The following ACTR3 variants were observed in gnomAD, a reference collection of about 807,000 sequenced individuals.
The protein encoded by ACTR3 is actin-related protein 3.
ACTR3 carries 12 observed loss-of-function variants against 56.8 expected under a neutral mutation model. The ratio of observed to expected loss-of-function variants is 0.21; its 90% CI spans 0.14 to 0.34. ACTR3 has a LOEUF of 0.34. Among genes scored for constraint, ACTR3 ranks in the 10% least tolerant of loss-of-function variants. The pLI is 1.00. For missense variants in ACTR3, 282 were observed against 512.5 expected (o/e 0.55, Z 4.34); for synonymous variants, 162 against 167.4 (o/e 0.97, Z 0.25).
chr2:113,915,880 GT>G (rs1158955745), intron 2 of ACTR3, among the ~76,000 whole-genome samples: 1 of 152,156 alleles, frequency 6.6e-6, no homozygotes, highest in Admixed American at 6.5e-5. Flanking sequence ...CAGGTACAGT[GT>G]TTATAATTAG....
intron 3 of ACTR3, among the ~76,000 whole-genome samples, chr2:113,918,916 A>C (rs1440249572): frequency 6.6e-6 from 1 of 152,172 alleles, no homozygotes; most frequent in South Asian, 2.1e-4. Context: ...GGCAGTGGGG[A>C]TAGAAATGGA....
chr2:113,900,838 G>C (rs9308688), intron 1 of ACTR3, among the ~76,000 whole-genome samples: 26 of 152,102 alleles, frequency 1.7e-4, no homozygotes, highest in African/African-American at 5.6e-4. Context: ...CAGAGTAGGC[G>C]TCCAGGTTCT....
chr2:113,937,166 C>T (rs989283764), intron 6 of ACTR3, among the ~76,000 whole-genome samples: 16 of 152,116 alleles, frequency 1.1e-4, no homozygotes, highest in Middle Eastern at 3.2e-3. Flanking sequence ...TGCAGTGGTG[C>T]GATCTCAGCT....
At chr2:113,923,973 A>G (rs962959784) in intron 3 of ACTR3, among the ~76,000 whole-genome samples, 1 of 151,532 alleles carries the variant, frequency 6.6e-6, no homozygotes, top group Non-Finnish European at 1.5e-5. Context: ...GACAAAACAC[A>G]ATTTTTATGT....
At position 113,960,798 on chromosome 2, in the gene ACTR3, T is replaced by G. The variant is rs1680311919; in HGVS notation, c.*3343T>G. On this transcript the variant is annotated 3_prime_UTR_variant, in exon 12 of 12. Coordinates refer to ENST00000263238, the MANE Select transcript of ACTR3 (RefSeq NM_005721.5). Reference sequence around the variant, plus strand: ...TTACCACCCAGATTTCCAACTCGGGTTAATTGGTACTAATTCTATTAGCTG... The same window carrying G: ...TTACCACCCAGATTTCCAACTCGGGGTAATTGGTACTAATTCTATTAGCTG... The G allele has an allele frequency of 1.3e-5, 2 of 151,968 alleles. No individual in the cohort carries two copies. Among genetic ancestry groups the G allele is most frequent in the Non-Finnish European group, 2.9e-5 (2 of 67,928 alleles). 9.4% of individuals were successfully genotyped at this position (151,968 alleles called of 1,614,324 possible).
chr2:113,956,099 C>A (rs1053140910), intron 11 of ACTR3, among the ~76,000 whole-genome samples: 2 of 151,736 alleles, frequency 1.3e-5, no homozygotes, highest in Admixed American at 1.3e-4. Flanking sequence ...CTATGTTGGG[C>A]CAGGCTGGTC....
At chr2:113,923,728 TCTC>T (rs942911098) in intron 3 of ACTR3, among the ~76,000 whole-genome samples, 2 of 145,972 alleles carry the variant, frequency 1.4e-5, no homozygotes, top group African/African-American at 2.6e-5. Flanking sequence ...TGCTTTCAGT[TCTC>T]CTTTTTTTTT....
At chr2:113,942,515 A>G (rs1679942159) in intron 8 of ACTR3, among the ~76,000 whole-genome samples, 156 bp downstream of exon 8, 1 of 152,278 alleles carries the variant, frequency 6.6e-6, no homozygotes. Flanking sequence ...TTTTTAAAGA[A>G]AAAATTTGCT....
At chr2:113,903,424 TG>T (rs1414770677) in intron 1 of ACTR3, among the ~76,000 whole-genome samples, 6 of 152,148 alleles carry the variant, frequency 3.9e-5, no homozygotes, top group African/African-American at 1.4e-4. Flanking sequence ...TGGAGTGCAG[TG>T]GCGCAGCCTT....
At chr2:113,956,244 C>T (rs1370649106) in intron 11 of ACTR3, among the ~76,000 whole-genome samples, 1 of 151,608 alleles carries the variant, frequency 6.6e-6, no homozygotes, top group African/African-American at 2.4e-5. Context: ...AAGAGTCCAT[C>T]AATACTTGGA....
intron 8 of ACTR3, among the ~76,000 whole-genome samples, chr2:113,946,261 G>A (rs1680018115): frequency 6.6e-6 from 1 of 151,956 alleles, no homozygotes; most frequent in African/African-American, 2.4e-5. Context: ...GAGAGTATAA[G>A]CGTTTCTTTT....
chr2:113,922,658 A>G (rs1679532616), intron 3 of ACTR3, among the ~76,000 whole-genome samples: 1 of 152,238 alleles, frequency 6.6e-6, no homozygotes, highest in African/African-American at 2.4e-5. Flanking sequence ...CCCTAGTGCA[A>G]ATGCTTCTGC....
intron 1 of ACTR3, among the ~76,000 whole-genome samples, chr2:113,897,180 G>A (rs536688722): frequency 6.6e-6 from 1 of 152,224 alleles, no homozygotes; most frequent in South Asian, 2.1e-4. Flanking sequence ...CGACATTTAT[G>A]AATTATTAGA....
chr2:113,935,598 C>A (rs1164770289), intron 6 of ACTR3, among the ~76,000 whole-genome samples: 1 of 152,078 alleles, frequency 6.6e-6, no homozygotes, highest in Non-Finnish European at 1.5e-5. Context: ...TTTATGTAGC[C>A]TTTGGGAGGA....
At chr2:113,890,844 G>A in intron 1 of ACTR3, 4 of 968,844 alleles carry the variant, frequency 4.1e-6, no homozygotes, top group Non-Finnish European at 4.9e-6. Context: ...GGGAAGAATC[G>A]GACTCTGAAA....
chr2:113,948,956 C>G lies in ACTR3; in HGVS notation c.859-2523C>G, dbSNP rs950996269. 2.9e-5 allele frequency among the ~76,000 whole-genome samples: 2 copies of G among 68,320 alleles called. 1 individual carries two copies. The allele number at this position is 68,320 out of a possible 152,430, so 44.8% of individuals were successfully genotyped here. On this transcript the variant is annotated intron_variant, in intron 8 of 11. Transcript: ENST00000263238. ...GTGTTGGATCTCTTTTTCGTATATC[C>G]TATGTCTTTTTCACTCCATTTACAT... is the stretch of plus-strand genomic sequence containing the variant.
At chr2:113,908,251 GTTTTTT>G (rs200328609) in intron 1 of ACTR3, among the ~76,000 whole-genome samples, 2 of 136,674 alleles carry the variant, frequency 1.5e-5, no homozygotes, top group East Asian at 2.1e-4. Flanking sequence ...GCTGTTAGCA[GTTTTTT>G]TTTTTTTTTG....
chr2:113,938,158 T>G (rs1464426353), intron 6 of ACTR3, among the ~76,000 whole-genome samples: 1 of 152,118 alleles, frequency 6.6e-6, no homozygotes, highest in Non-Finnish European at 1.5e-5. Flanking sequence ...ATTTTTAAAT[T>G]TTAGATACTG....
intron 4 of ACTR3, 39 bp from the exon 5 acceptor site, chr2:113,931,262 T>A (rs762549449): frequency 1.7e-6 from 2 of 1,203,868 alleles, no homozygotes; most frequent in South Asian, 3.1e-5. Flanking sequence ...ATCAAAATAA[T>A]CTGATATTAT....
Sources: allele counts gnomAD v4.1 joint callset (sites outside exome capture counted in the v4.1 genomes callset), GRCh38; gene constraint gnomAD v4.1.1; transcripts MANE v1.5; gene names NCBI Gene and HGNC (gene_info 2026-07-23, HGNC 2026-07-21).